Variants in ZMYM2 observed in about 807,000 individuals in gnomAD.
ZMYM2 encodes zinc finger MYM-type protein 2.
A neutral mutation model predicts 162.8 loss-of-function variants in ZMYM2; 56 were observed. That is an observed-to-expected ratio of 0.34 (90% CI 0.28 to 0.43). The LOEUF is 0.43. Ranked by LOEUF, ZMYM2 falls within the 20% of genes least tolerant of loss-of-function variation. The pLI, the probability that ZMYM2 is intolerant of heterozygous loss-of-function variation, is 1.00. For missense variants in ZMYM2, 1,275 were observed against 1,621.8 expected, an observed-to-expected ratio of 0.79 and a Z score of 3.67; for synonymous variants, 510 against 541.6, an observed-to-expected ratio of 0.94 and a Z score of 0.81.
At chr13:19,963,208 T>C (rs1955439916) in intron 2 of ZMYM2, among the ~76,000 whole-genome samples, 1 of 152,214 alleles carries the variant, frequency 6.6e-6, no homozygotes, top group South Asian at 2.1e-4. Flanking sequence ...GATTCACAAA[T>C]AGTATTTTAT....
chr13:20,025,875 T>C (rs1055164054), intron 7 of ZMYM2: 1 of 152,208 alleles, frequency 6.6e-6, no homozygotes, highest in African/African-American at 2.4e-5. Flanking sequence ...TATCTACATA[T>C]ATCTAAACAT....
chr13:19,894,885 GT>G, the ZMYM2 span, among the ~76,000 whole-genome samples: 1 of 151,562 alleles, frequency 6.6e-6, no homozygotes, highest in Non-Finnish European at 1.5e-5. Context: ...GAGGTTAGGA[GT>G]TTTAGATCAG....
intron 15 of ZMYM2, 80 bp from the exon 16 acceptor site, chr13:20,059,367 T>G: frequency 1.3e-6 from 2 of 1,493,302 alleles, no homozygotes; most frequent in Non-Finnish European, 1.8e-6. Flanking sequence ...AAATTTTTCT[T>G]TATCAAATTA....
At chr13:20,030,025 C>T (rs1952940929) in intron 9 of ZMYM2, among the ~76,000 whole-genome samples, 1 of 151,958 alleles carries the variant, frequency 6.6e-6, no homozygotes, top group South Asian at 2.1e-4. Flanking sequence ...GAACTCCTGA[C>T]TTCCAGCGAT....
At chr13:19,942,867 A>T in the ZMYM2 span, among the ~76,000 whole-genome samples, 1 of 152,296 alleles carries the variant, frequency 6.6e-6, no homozygotes, top group South Asian at 2.1e-4. Context: ...ATAGACAAAA[A>T]TCTAAGTTTT....
At chr13:20,004,369 C>T (rs1350333162) in intron 4 of ZMYM2, among the ~76,000 whole-genome samples, 1 of 152,156 alleles carries the variant, frequency 6.6e-6, no homozygotes, top group Non-Finnish European at 1.5e-5. Context: ...CGTTCTCCTG[C>T]CTCAGCCTCC....
the ZMYM2 span, among the ~76,000 whole-genome samples, chr13:19,926,304 A>T: frequency 2.1e-3 from 324 of 151,552 alleles, 3 homozygotes; most frequent in Admixed American, 5.1e-3. Flanking sequence ...TTCGCTTCAA[A>T]CAATAAAGGA....
chr13:19,953,682 C>CAAAAAA (rs35266783), upstream of ZMYM2, among the ~76,000 whole-genome samples: 2 of 75,304 alleles, frequency 2.7e-5, no homozygotes, highest in African/African-American at 1.0e-4. Flanking sequence ...GACTCTGTCT[C>CAAAAAA]AAAAAAAAAA....
At chr13:20,017,812 T>A (rs1449551481) in intron 6 of ZMYM2, among the ~76,000 whole-genome samples, 1 of 152,228 alleles carries the variant, frequency 6.6e-6, no homozygotes, top group Non-Finnish European at 1.5e-5. Flanking sequence ...TAAGTGCATG[T>A]GTATTGGTTA....
chr13:20,005,664 T>C (rs1279451107), intron 5 of ZMYM2, among the ~76,000 whole-genome samples: 3 of 152,200 alleles, frequency 2.0e-5, no homozygotes, highest in Admixed American at 6.5e-5. Context: ...TTGTGTTAAA[T>C]AAAAAGTAAT....
intron 21 of ZMYM2, among the ~76,000 whole-genome samples, chr13:20,075,996 C>G (rs1555331102): frequency 1.3e-5 from 2 of 150,708 alleles, no homozygotes; most frequent in Non-Finnish European, 2.9e-5. Flanking sequence ...ATGCCAGCCA[C>G]TTTTTTTTCT....
At chr13:20,010,312 C>CA (rs1951069565) in intron 6 of ZMYM2, among the ~76,000 whole-genome samples, 1 of 152,118 alleles carries the variant, frequency 6.6e-6, no homozygotes, top group African/African-American at 2.4e-5. Context: ...TCTTCTGTCT[C>CA]AGCCTCCCGA....
the ZMYM2 span, among the ~76,000 whole-genome samples, chr13:19,871,663 G>GA: frequency 6.6e-6 from 1 of 151,752 alleles, no homozygotes; most frequent in Non-Finnish European, 1.5e-5. Context: ...AAGTCATGCA[G>GA]AAAAAAAATC....
At chr13:19,975,614 A>G (rs1956711598) in intron 2 of ZMYM2, among the ~76,000 whole-genome samples, 1 of 152,164 alleles carries the variant, frequency 6.6e-6, no homozygotes, top group African/African-American at 2.4e-5. Flanking sequence ...CGTTGTGAAA[A>G]TGCTTCTGTG....
chr13:20,070,924 A>G (rs1436663849), intron 21 of ZMYM2: 1 of 131,976 alleles, frequency 7.6e-6, no homozygotes, highest in Non-Finnish European at 1.7e-5. Flanking sequence ...TTTGAGACCA[A>G]TAAGCCATTG....
chr13:19,866,933 C>T, the ZMYM2 span, among the ~76,000 whole-genome samples: 5 of 152,136 alleles, frequency 3.3e-5, no homozygotes, highest in Admixed American at 2.0e-4. Flanking sequence ...AATTTAATGA[C>T]TTATTAAAGT....
the ZMYM2 span, among the ~76,000 whole-genome samples, chr13:19,916,122 A>G: frequency 1.3e-5 from 2 of 151,976 alleles, no homozygotes; most frequent in African/African-American, 2.4e-5. Context: ...CAGCCTCCCA[A>G]ATTGCTGGGA....
chr13:20,057,756 T>C (rs1418145102), intron 14 of ZMYM2, among the ~76,000 whole-genome samples: 1 of 152,236 alleles, frequency 6.6e-6, no homozygotes, highest in Non-Finnish European at 1.5e-5. Context: ...GATGAAAACA[T>C]TGCGACCAGA....
At chr13:20,015,643 T>A (rs938133825) in intron 6 of ZMYM2, among the ~76,000 whole-genome samples, 1 of 152,176 alleles carries the variant, frequency 6.6e-6, no homozygotes, top group African/African-American at 2.4e-5. Context: ...TTTATTTAAG[T>A]GTATTTTGGG....
Sources: allele counts gnomAD v4.1 joint callset (sites outside exome capture counted in the v4.1 genomes callset), GRCh38; gene constraint gnomAD v4.1.1; transcripts MANE v1.5; gene names NCBI Gene and HGNC (gene_info 2026-07-23, HGNC 2026-07-21).